The following DUSP5 variants were observed in gnomAD, a reference collection of about 807,000 sequenced individuals.
The protein encoded by DUSP5 is dual specificity protein phosphatase 5.
In DUSP5, 22 loss-of-function variants were observed where a neutral mutation model predicts 33.6. The ratio of observed to expected loss-of-function variants is 0.66; its 90% CI spans 0.47 to 0.94. The LOEUF (loss-of-function observed/expected upper bound fraction) is 0.94. DUSP5 is among the 40% of genes least tolerant of loss of function. DUSP5 has a pLI of 0.00. For missense variants in DUSP5, 551 were observed against 522.1 expected, an observed-to-expected ratio of 1.06 and a Z score of -0.54; for synonymous variants, 270 against 231.1, an observed-to-expected ratio of 1.17 and a Z score of -1.53.
intron 3 of DUSP5, 95 bp downstream of exon 3, chr10:110,507,249 A>C: frequency 7.7e-7 from 1 of 1,297,064 alleles, no homozygotes; most frequent in Non-Finnish European, 1.1e-6. Flanking sequence ...CCTTCACTGA[A>C]AGAAAAGTGT....
At chr10:110,504,344 G>A (rs1860093712) in intron 2 of DUSP5, among the ~76,000 whole-genome samples, 1 of 152,190 alleles carries the variant, frequency 6.6e-6, no homozygotes, top group Non-Finnish European at 1.5e-5. Context: ...TTAACTTTTG[G>A]GGTTTCTGAA....
intron 1 of DUSP5, among the ~76,000 whole-genome samples, chr10:110,500,283 G>T (rs1321411780): frequency 6.6e-6 from 1 of 152,158 alleles, no homozygotes; most frequent in Admixed American, 6.5e-5. Context: ...TGACCATTAG[G>T]TTGCGTCCCG....
At position 110,510,566 on chromosome 10, in the gene DUSP5, G is replaced by T; in HGVS notation, c.*140G>T. On this transcript the variant is annotated 3_prime_UTR_variant, in exon 4 of 4. Coordinates refer to ENST00000369583, the MANE Select transcript of DUSP5 (RefSeq NM_004419.4). Reference sequence around the variant, plus strand: ...CAGTGAGATAGTGAGTGGTCACCAGGCTTGCAAATGAACTTCAGACGGACC... The same window carrying T: ...CAGTGAGATAGTGAGTGGTCACCAGTCTTGCAAATGAACTTCAGACGGACC... 2.5e-6 allele frequency: 3 copies of T among 1,223,768 alleles called. No homozygotes were observed. The highest frequency in any genetic ancestry group is 3.3e-6 in the Non-Finnish European group (3 of 909,206). 75.8% of individuals were successfully genotyped at this position (1,223,768 alleles called of 1,614,324 possible).
In DUSP5 at chr10:110,498,419, C is replaced by A; in HGVS notation, c.298C>A (p.Arg100=). The A allele has an allele frequency of 6.5e-7, 1 of 1,529,038 alleles. No individual in the cohort carries two copies. Among genetic ancestry groups the A allele is most frequent in the Non-Finnish European group, 8.7e-7 (1 of 1,146,886 alleles). 94.7% of individuals were successfully genotyped at this position (1,529,038 alleles called of 1,614,324 possible). A position where few individuals can be genotyped will look rare whatever the true frequency, so the allele number is the denominator to read the frequency against. The change falls in exon 1 of 4, where the codon CGA becomes AGA. Residue 100 remains arginine (R), a synonymous_variant. Transcript: ENST00000369583. ...GGGCAGCCGCCACTGGCAGAAGCTG[C>A]GAGAGGAGAGCGCCGCGCGTGTCGT... is the stretch of plus-strand genomic sequence containing the variant. ...DQGSRHWQKL[R]EESAARVVLT...
chr10:110,500,317 T>C (rs980575836), intron 1 of DUSP5, among the ~76,000 whole-genome samples: 45 of 152,308 alleles, frequency 3.0e-4, no homozygotes, highest in Non-Finnish European at 2.5e-4. Flanking sequence ...AGCAATGCGG[T>C]AGATGTCCTT....
chr10:110,500,781 C>G (rs1441991680), intron 1 of DUSP5, among the ~76,000 whole-genome samples: 2 of 152,216 alleles, frequency 1.3e-5, no homozygotes, highest in Non-Finnish European at 2.9e-5. Flanking sequence ...AATGTTCTGT[C>G]TCTCCACACC....
intron 1 of DUSP5, among the ~76,000 whole-genome samples, chr10:110,501,811 T>TC (rs1860052432): frequency 6.6e-6 from 1 of 152,162 alleles, no homozygotes; most frequent in Non-Finnish European, 1.5e-5. Context: ...ATTCGGTTCT[T>TC]CCCCACTGAA....
chr10:110,501,433 G>A (rs867980896), intron 1 of DUSP5, among the ~76,000 whole-genome samples: 2 of 152,172 alleles, frequency 1.3e-5, no homozygotes, highest in East Asian at 3.8e-4. Flanking sequence ...GAGCTGAGAG[G>A]AAGCGGTAAT....
intron 1 of DUSP5, among the ~76,000 whole-genome samples, chr10:110,499,784 A>G (rs185612892): frequency 1.2e-4 from 19 of 152,102 alleles, no homozygotes; most frequent in Non-Finnish European, 2.4e-4. Flanking sequence ...GTGCCTCCTG[A>G]TTTCTTTCTC....
At chr10:110,498,699 C>G (rs1360972816) in intron 1 of DUSP5, among the ~76,000 whole-genome samples, 199 bp downstream of exon 1, 1 of 152,226 alleles carries the variant, frequency 6.6e-6, no homozygotes. Context: ...CCGCGTTCCT[C>G]GAAAGCGCCC....
chr10:110,503,880 G>A (rs1197778426), intron 2 of DUSP5, among the ~76,000 whole-genome samples: 1 of 152,202 alleles, frequency 6.6e-6, no homozygotes, highest in Admixed American at 6.5e-5. Context: ...ATCATAAGAA[G>A]AAAGATTGCT....
In DUSP5 at chr10:110,506,952, C is replaced by A. The variant is rs1285812049; in HGVS notation, c.546C>A (p.Ile182=). The change falls in exon 3 of 4, where the codon ATC becomes ATA. Residue 182 remains isoleucine (I), a synonymous_variant. Coordinates refer to ENST00000369583, the MANE Select transcript of DUSP5 (RefSeq NM_004419.4). Reference sequence around the variant, plus strand: ...GCATCCAGGGTGGCCCAGTTGAAATCCTTCCCTTCCTCTACCTTGGAAGTG... The same window carrying A: ...GCATCCAGGGTGGCCCAGTTGAAATACTTCCCTTCCTCTACCTTGGAAGTG... The part of the protein sequence containing the change: ...PAYDQGGPVE[I]LPFLYLGSAY... 3 of 1,613,620 alleles carry A rather than the reference C, an allele frequency of 1.9e-6. No homozygotes were observed. The highest frequency in any genetic ancestry group is 1.7e-5 in the Admixed American group (1 of 59,998).
At chr10:110,498,650 C>G (rs1244478691) in intron 1 of DUSP5, 150 bp downstream of exon 1, 7 of 1,238,196 alleles carry the variant, frequency 5.7e-6, no homozygotes, top group Middle Eastern at 3.1e-4. Context: ...TGGGAGGGCA[C>G]TGCAAATGTC....
intron 2 of DUSP5, among the ~76,000 whole-genome samples, chr10:110,504,747 C>T (rs889647879): frequency 1.3e-5 from 2 of 152,228 alleles, no homozygotes; most frequent in Non-Finnish European, 2.9e-5. Flanking sequence ...AAACCTGTGT[C>T]TTCCCCATGG....
At chr10:110,502,692 C>T (rs777419714) in intron 1 of DUSP5, 29 bp from the exon 2 acceptor site, 7 of 1,607,320 alleles carry the variant, frequency 4.4e-6, no homozygotes, top group South Asian at 2.2e-5. Flanking sequence ...TGCTTACCAT[C>T]TGTCTCACCT....
At chr10:110,509,898 G>A (rs762519626) in intron 3 of DUSP5, 122 bp from the exon 4 acceptor site, 144 of 1,326,190 alleles carry the variant, frequency 1.1e-4, no homozygotes, top group Non-Finnish European at 1.2e-4. Flanking sequence ...GTGTAGGGCC[G>A]TGGCTCTTAG....
rs1860179741 is a variant in DUSP5 at position 110,510,581 on chromosome 10, T to G, written c.*155T>G. On this transcript the variant is annotated 3_prime_UTR_variant, in exon 4 of 4. Transcript: ENST00000369583. ...TGGTCACCAGGCTTGCAAATGAACT[T>G]CAGACGGACCTCAGGGTAGGTTCTC... The G allele has an allele frequency of 9.1e-7, 1 of 1,097,234 alleles. No individual in the cohort carries two copies. The highest frequency in any genetic ancestry group is 1.7e-5 in the South Asian group (1 of 58,258). The allele number at this position is 1,097,234 out of a possible 1,614,324, so 68.0% of individuals were successfully genotyped here. A position where few individuals can be genotyped will look rare whatever the true frequency, so the allele number is the denominator to read the frequency against.
At chr10:110,505,750 C>A (rs1860109358) in intron 2 of DUSP5, among the ~76,000 whole-genome samples, 1 of 152,174 alleles carries the variant, frequency 6.6e-6, no homozygotes, top group Admixed American at 6.5e-5. Flanking sequence ...TTTTTCCAAC[C>A]ATCACTAGCT....
rs1277031293 is a variant in DUSP5, at chr10:110,498,376, C to A, written c.255C>A (p.Ala85=). 7 of 1,434,236 alleles carry A rather than the reference C, an allele frequency of 4.9e-6. No individual in the cohort carries two copies. The East Asian group carries it at 1.5e-4, about 30-fold the overall frequency. 88.8% of individuals were successfully genotyped at this position (1,434,236 alleles called of 1,614,324 possible). A position where few individuals can be genotyped will look rare whatever the true frequency, so the allele number is the denominator to read the frequency against. ...LLQEGGGGVA[A]VVVLDQGSRH... Reference sequence around the variant, plus strand: ...AGGAGGGCGGCGGCGGCGTCGCGGCCGTGGTGGTGCTGGACCAGGGCAGCC... The same window carrying A: ...AGGAGGGCGGCGGCGGCGTCGCGGCAGTGGTGGTGCTGGACCAGGGCAGCC... The change falls in exon 1 of 4, where the codon GCC becomes GCA. Residue 85 remains alanine, a synonymous_variant. Coordinates refer to ENST00000369583, the MANE Select transcript of DUSP5 (RefSeq NM_004419.4).
Sources: gnomAD v4.1 joint callset for allele counts (sites outside exome capture counted in the v4.1 genomes callset) on GRCh38, gnomAD v4.1.1 for gene constraint, MANE v1.5 for transcripts, NCBI Gene and HGNC (gene_info 2026-07-23, HGNC 2026-07-21) for gene names.